MAP3K3: variants seen among roughly 807,000 people sequenced by gnomAD.
MAP3K3 encodes the protein MAP/ERK kinase kinase 3.
MAP3K3 carries 12 observed loss-of-function variants against 80.9 expected under a neutral mutation model. The observed-to-expected ratio is 0.15, with a 90% CI of 0.10 to 0.24. The LOEUF (loss-of-function observed/expected upper bound fraction) is 0.24. Among genes scored for constraint, MAP3K3 ranks in the 10% least tolerant of loss-of-function variants. The probability of loss-of-function intolerance (pLI) is 1.00; values close to 1 mark genes in which losing one functional copy is unlikely to be tolerated. For missense variants in MAP3K3, 596 were observed against 834.7 expected, an observed-to-expected ratio of 0.71 and a Z score of 3.52; for synonymous variants, 272 against 307.1, an observed-to-expected ratio of 0.89 and a Z score of 1.19.
intron 5 of MAP3K3, among the ~76,000 whole-genome samples, chr17:63,665,315 G>A (rs1490574121): frequency 6.6e-6 from 1 of 151,400 alleles, no homozygotes; most frequent in Non-Finnish European, 1.5e-5. Context: ...ACAGGTGCCT[G>A]CCACCACGCC....
intron 4 of MAP3K3, among the ~76,000 whole-genome samples, chr17:63,654,913 G>T (rs946463071): frequency 6.6e-6 from 1 of 152,092 alleles, no homozygotes; most frequent in Non-Finnish European, 1.5e-5. Flanking sequence ...GTGCACACCT[G>T]TAGTCCCAGC....
chr17:63,634,852 A>G (rs2034290428), intron 2 of MAP3K3: 1 of 1,443,748 alleles, frequency 6.9e-7, no homozygotes. Context: ...TAAATCTGCT[A>G]CTCATGCTGC....
Position 63,681,751 on chromosome 17 carries a change from C to T in MAP3K3, c.503-15C>T, listed in dbSNP as rs371842398. On this transcript the variant is annotated splice_polypyrimidine_tract_variant and intron_variant, in intron 6 of 15. Transcript: ENST00000361733. ...CCTGGGCTCTGTTGTTGAAAGCCTC[C>T]TTTATGTGCTCTAGGCTCCCAGAAC... The T allele has an allele frequency of 2.0e-4, 284 of 1,422,958 alleles. No homozygotes were observed. Among genetic ancestry groups the T allele is most frequent in the Non-Finnish European group, 2.5e-4 (273 of 1,076,928 alleles). 88.1% of individuals were successfully genotyped at this position (1,422,958 alleles called of 1,614,324 possible).
chr17:63,622,425 G>C lies in MAP3K3; in HGVS notation c.-335G>C, dbSNP rs1212883720. On this transcript the variant is annotated 5_prime_UTR_variant, in exon 1 of 16. Coordinates refer to ENST00000361733, the MANE Select transcript of MAP3K3 (RefSeq NM_002401.5). ...TGCGCGACCAGCGGTTTGTTTTTCG[G>C]AGCGTTCCTGAGGTGGAGAACGGTG... 3 of 152,956 alleles carry C rather than the reference G, an allele frequency of 2.0e-5. No homozygotes were observed. Among genetic ancestry groups the C allele is most frequent in the Non-Finnish European group, 4.4e-5 (3 of 68,390 alleles). 9.5% of individuals were successfully genotyped at this position (152,956 alleles called of 1,614,324 possible). A position where few individuals can be genotyped will look rare whatever the true frequency, so the allele number is the denominator to read the frequency against.
intron 3 of MAP3K3, among the ~76,000 whole-genome samples, chr17:63,648,633 G>A (rs1175027645): frequency 1.3e-5 from 2 of 152,008 alleles, no homozygotes; most frequent in African/African-American, 2.4e-5. Flanking sequence ...AGACCAATAT[G>A]GTGAAACCCC....
intron 3 of MAP3K3, among the ~76,000 whole-genome samples, chr17:63,651,736 A>C (rs1467098292): frequency 2.0e-5 from 3 of 152,210 alleles, no homozygotes; most frequent in African/African-American, 7.2e-5. Context: ...TGACCTAATG[A>C]GTCTCTCCAG....
chr17:63,634,955 A>G (rs1321975042), intron 2 of MAP3K3, among the ~76,000 whole-genome samples: 3 of 152,212 alleles, frequency 2.0e-5, no homozygotes, highest in Non-Finnish European at 2.9e-5. Flanking sequence ...TCTAGTCACC[A>G]TTTCTCACAA....
At chr17:63,676,132 A>G (rs1431526986) in intron 6 of MAP3K3, among the ~76,000 whole-genome samples, 1 of 152,204 alleles carries the variant, frequency 6.6e-6, no homozygotes, top group African/African-American at 2.4e-5. Flanking sequence ...CCTGTGCACA[A>G]TAGCCGCTGG....
At chr17:63,655,797 T>C (rs1347038095) in intron 4 of MAP3K3, among the ~76,000 whole-genome samples, 1 of 152,214 alleles carries the variant, frequency 6.6e-6, no homozygotes, top group African/African-American at 2.4e-5. Context: ...ACTTGGTTTT[T>C]TTTATTTAAC....
chr17:63,648,078 C>T (rs1452336442), intron 3 of MAP3K3, among the ~76,000 whole-genome samples: 2 of 152,180 alleles, frequency 1.3e-5, no homozygotes, highest in African/African-American at 4.8e-5. Flanking sequence ...ATGTTAATGA[C>T]ACACTGATGG....
chr17:63,656,474 G>A (rs1230618185), intron 4 of MAP3K3, among the ~76,000 whole-genome samples: 3 of 151,188 alleles, frequency 2.0e-5, no homozygotes. Context: ...GAGTGGTGGT[G>A]TGCACCTGTA....
chr17:63,683,982 C>A (rs923744287), intron 7 of MAP3K3, among the ~76,000 whole-genome samples: 3 of 151,884 alleles, frequency 2.0e-5, no homozygotes, highest in African/African-American at 7.3e-5. Flanking sequence ...CATAGCAAAA[C>A]CCTGTCTCTA....
intron 6 of MAP3K3, among the ~76,000 whole-genome samples, chr17:63,676,887 G>A (rs1029602717): frequency 1.3e-5 from 2 of 152,328 alleles, no homozygotes; most frequent in South Asian, 4.1e-4. Context: ...ACAGCAGGAA[G>A]CCTGTTAATC....
chr17:63,643,902 G>A (rs1304169632), intron 2 of MAP3K3, among the ~76,000 whole-genome samples: 4 of 152,172 alleles, frequency 2.6e-5, no homozygotes, highest in Non-Finnish European at 4.4e-5. Context: ...CTCAGTGCCT[G>A]TGTGACACTT....
At chr17:63,658,442 G>A (rs1378443358) in intron 5 of MAP3K3, among the ~76,000 whole-genome samples, 1 of 152,182 alleles carries the variant, frequency 6.6e-6, no homozygotes, top group Non-Finnish European at 1.5e-5. Flanking sequence ...AGTCTGTAGG[G>A]TGTCAGAAGT....
intron 6 of MAP3K3, among the ~76,000 whole-genome samples, chr17:63,680,166 G>A (rs1038960311): frequency 2.6e-5 from 4 of 152,222 alleles, no homozygotes; most frequent in African/African-American, 9.6e-5. Flanking sequence ...TAGTGCTACA[G>A]CCCCTGAACT....
chr17:63,689,834 G>T lies in MAP3K3; in HGVS notation c.1063+99G>T. 7.9e-7 allele frequency: 1 copy of T among 1,259,622 alleles called. No homozygotes were observed. Among genetic ancestry groups the T allele is most frequent in the East Asian group, 2.5e-5 (1 of 39,220 alleles). The allele number at this position is 1,259,622 out of a possible 1,614,324, so 78.0% of individuals were successfully genotyped here. On this transcript the variant is annotated intron_variant, in intron 11 of 15. Transcript: ENST00000361733. This position sits in a 1 kb window ranked among gnomAD's most constrained non-coding sequence, Gnocchi z 4.3. The stretch of plus-strand genomic sequence containing the variant: ...CCCCTGGGACCCTTAGGCTCAGCAG[G>T]TGGTGGCTTTGGCCCAAATGCACCA...
intron 2 of MAP3K3, among the ~76,000 whole-genome samples, chr17:63,635,187 A>G (rs1231474222): frequency 6.6e-6 from 1 of 152,220 alleles, no homozygotes; most frequent in African/African-American, 2.4e-5. Flanking sequence ...GACTTTATGC[A>G]CTATGTAAGG....
At chr17:63,661,712 A>C (rs1189818539) in intron 5 of MAP3K3, among the ~76,000 whole-genome samples, 4 of 152,262 alleles carry the variant, frequency 2.6e-5, no homozygotes, top group Non-Finnish European at 5.9e-5. Flanking sequence ...GGATAATTTA[A>C]AAGGTAATTC....
Sources: allele counts gnomAD v4.1 joint callset (sites outside exome capture counted in the v4.1 genomes callset), GRCh38; gene constraint gnomAD v4.1.1; non-coding constraint Gnocchi (gnomAD v3.1); transcripts MANE v1.5; gene names NCBI Gene and HGNC (gene_info 2026-07-23, HGNC 2026-07-21).